The following ZNF578 variants were observed in gnomAD, a reference collection of about 807,000 sequenced individuals.
The protein encoded by ZNF578 is zinc finger protein 578.
In ZNF578, 8 loss-of-function variants were observed where a neutral mutation model predicts 8.3. The ratio of observed to expected loss-of-function variants is 0.96; its 90% CI spans 0.56 to 1.74. The LOEUF (loss-of-function observed/expected upper bound fraction) is 1.74. Ranked by LOEUF, ZNF578 falls within the 40% of genes most tolerant of loss-of-function variation. The pLI, the probability that ZNF578 is intolerant of heterozygous loss-of-function variation, is 0.00. For synonymous variants in ZNF578, 206 were observed against 232.2 expected, an observed-to-expected ratio of 0.89 and a Z score of 1.03; for missense variants, 726 against 707.5, an observed-to-expected ratio of 1.03 and a Z score of -0.30.
At chr19:52,466,093 A>G (rs1006736297) in intron 2 of ZNF578, among the ~76,000 whole-genome samples, 2 of 152,242 alleles carry the variant, frequency 1.3e-5, no homozygotes, top group Non-Finnish European at 1.5e-5. Flanking sequence ...ATTGTGTACA[A>G]TCACTTAGAT....
intron 3 of ZNF578, among the ~76,000 whole-genome samples, chr19:52,492,332 T>A (rs2059368533): frequency 6.6e-6 from 1 of 152,070 alleles, no homozygotes; most frequent in Admixed American, 6.5e-5. Flanking sequence ...CGTGCCCGCA[T>A]CCCTGCTGTG....
Position 52,459,769 on chromosome 19 carries a change from A to ATATATATATTTTTT in ZNF578, c.-122+2812_-122+2813insATATATATTTTTTT, listed in dbSNP as rs1555751349. Among the ~76,000 whole-genome samples the ATATATATATTTTTT allele has an allele frequency of 2.1e-3, 37 of 17,618 alleles. 1 individual carries two copies. Among genetic ancestry groups the ATATATATATTTTTT allele is most frequent in the Non-Finnish European group, 3.1e-3 (31 of 10,082 alleles). 11.6% of individuals were successfully genotyped at this position (17,618 alleles called of 152,430 possible). A position where few individuals can be genotyped will look rare whatever the true frequency, so the allele number is the denominator to read the frequency against. ...TGTGTGTGTATATATATATATATAT[A>ATATATATATTTTTT]TTTTTTTTTTTTTTTTTTTTTTTTG... On this transcript the variant is annotated intron_variant, in intron 2 of 5. Coordinates refer to ENST00000421239, the MANE Select transcript of ZNF578 (RefSeq NM_001099694.2).
At chr19:52,485,174 C>G (rs2059340547) in intron 2 of ZNF578, among the ~76,000 whole-genome samples, 1 of 152,024 alleles carries the variant, frequency 6.6e-6, no homozygotes, top group Non-Finnish European at 1.5e-5. Context: ...CTCACACCAC[C>G]TCTGGTCTAT....
chr19:52,490,930 C>T (rs2059363074), intron 2 of ZNF578, among the ~76,000 whole-genome samples: 1 of 152,106 alleles, frequency 6.6e-6, no homozygotes, highest in South Asian at 2.1e-4. Context: ...ATTGTATGGT[C>T]TTTTAGCATT....
chr19:52,500,704 C>G (rs995882383), intron 3 of ZNF578, among the ~76,000 whole-genome samples: 2 of 151,820 alleles, frequency 1.3e-5, no homozygotes, highest in African/African-American at 4.8e-5. Flanking sequence ...TTTGATTAGC[C>G]TTTCAAAGGA....
intron 2 of ZNF578, among the ~76,000 whole-genome samples, chr19:52,483,496 A>G (rs2059334536): frequency 1.3e-5 from 2 of 152,356 alleles, no homozygotes; most frequent in East Asian, 3.9e-4. Context: ...AAATTCTCTC[A>G]CAGGCACCAT....
intron 3 of ZNF578, among the ~76,000 whole-genome samples, chr19:52,496,852 G>C: frequency 6.6e-6 from 1 of 150,692 alleles, no homozygotes; most frequent in East Asian, 2.0e-4. Context: ...GGTCAGGCTG[G>C]TCTTGAACAC....
intron 4 of ZNF578, 140 bp downstream of exon 4, chr19:52,502,048 C>A: frequency 7.5e-7 from 1 of 1,326,968 alleles, no homozygotes; most frequent in Non-Finnish European, 1.0e-6. Context: ...TTTGCTTGCA[C>A]TCACCCATGC....
chr19:52,473,684 G>A (rs549897067), intron 2 of ZNF578: 50 of 210,770 alleles, frequency 2.4e-4, no homozygotes, highest in South Asian at 6.9e-4. Flanking sequence ...CTGATGAATT[G>A]TTAAGGAGAA....
intron 2 of ZNF578, among the ~76,000 whole-genome samples, chr19:52,485,418 A>G (rs1192692257): frequency 6.6e-6 from 1 of 152,164 alleles, no homozygotes; most frequent in Non-Finnish European, 1.5e-5. Context: ...ACCCTCAGTA[A>G]TACCTGCAGT....
Position 52,501,872 on chromosome 19 carries a change from G to A in ZNF578, c.27G>A (p.Lys9=), listed in dbSNP as rs775525190. 6.2e-7 allele frequency: 1 copy of A among 1,613,686 alleles called. No individual in the cohort carries two copies. Among genetic ancestry groups the A allele is most frequent in the East Asian group, 2.2e-5 (1 of 44,886 alleles). The change falls in exon 4 of 6, where the codon AAG becomes AAA. Residue 9 remains lysine, a synonymous_variant. Transcript: ENST00000421239. ...TGTTACATGAGGAAGCAGCTCAGAAGAGGAAAGGAAAGGAGCCAGGCATGG... is the reference window on the plus strand; with the variant it reads ...TGTTACATGAGGAAGCAGCTCAGAAAAGGAAAGGAAAGGAGCCAGGCATGG... MLHEEAAQ[K]RKGKEPGMAL...
intron 2 of ZNF578, among the ~76,000 whole-genome samples, chr19:52,480,595 T>TA (rs754401637): frequency 3.2e-4 from 45 of 139,334 alleles, no homozygotes; most frequent in Middle Eastern, 3.7e-3. Context: ...TGTAAGGATT[T>TA]AAAAAAAAAA....
At chr19:52,472,621 T>G (rs1329211221) in intron 2 of ZNF578, among the ~76,000 whole-genome samples, 3 of 152,204 alleles carry the variant, frequency 2.0e-5, no homozygotes, top group Non-Finnish European at 4.4e-5. Flanking sequence ...AAAAATCCTA[T>G]TTTCCTAAGG....
rs531263921 is a variant in ZNF578 at position 52,480,699 on chromosome 19, G to A, written c.-121-10625G>A. ...GATCACAAGGTCAGGAGTTCAAGAC[G>A]AGCGTGGCCAAGATGGTGAAACCCC... On this transcript the variant is annotated intron_variant, in intron 2 of 5. Transcript: ENST00000421239. Among the ~76,000 whole-genome samples the A allele has an allele frequency of 1.7e-3, 256 of 151,582 alleles. 1 individual carries two copies. The highest frequency in any genetic ancestry group is 5.7e-3 in the African/African-American group (234 of 41,358).
rs2122997191 is a variant in ZNF578, at chr19:52,512,044, G to A, written c.1663G>A (p.Ala555Thr). 1 of 1,613,224 alleles carries A rather than the reference G, an allele frequency of 6.2e-7. No individual in the cohort carries two copies. The highest frequency in any genetic ancestry group is 8.5e-7 in the Non-Finnish European group (1 of 1,179,824). The change falls in exon 6 of 6, where the codon GCA becomes ACA. Residue 555 changes from alanine (A) to threonine (T), a missense_variant. Transcript: ENST00000421239. Reference protein sequence around the residue: ...DKAFMCHSYLANHTRIHSGEK... With the variant: ...DKAFMCHSYLTNHTRIHSGEK... ...GGCTTTCATGTGCCATTCTTATCTG[G>A]CAAACCATACTAGAATTCATAGCGG... is the stretch of plus-strand genomic sequence containing the variant.
At chr19:52,494,338 A>G (rs958682365) in intron 3 of ZNF578, among the ~76,000 whole-genome samples, 2 of 151,754 alleles carry the variant, frequency 1.3e-5, no homozygotes, top group African/African-American at 4.8e-5. Flanking sequence ...AAAAAAAAAG[A>G]AAAAAAAATT....
Position 52,504,798 on chromosome 19 carries a change from T to C in ZNF578, c.190+17T>C, listed in dbSNP as rs900330359. 1.3e-5 allele frequency: 21 copies of C among 1,613,916 alleles called. No individual in the cohort carries two copies. Among genetic ancestry groups the C allele is most frequent in the Non-Finnish European group, 1.4e-5 (17 of 1,179,972 alleles). ...AGGCTGTGGGTGAGGAAAATGTCCC[T>C]GCAGACATGAGGAGTCTGCTCTTGT... On this transcript the variant is annotated intron_variant, in intron 5 of 5. Transcript: ENST00000421239.
rs1278260478 is a variant in ZNF578, at chr19:52,515,066, G to T, written c.*2912G>T. Among the ~76,000 whole-genome samples, 2 of 149,450 alleles carry T rather than the reference G, an allele frequency of 1.3e-5. No individual in the cohort carries two copies. The highest frequency in any genetic ancestry group is 3.0e-5 in the Non-Finnish European group (2 of 67,704). On this transcript the variant is annotated 3_prime_UTR_variant, in exon 6 of 6. Transcript: ENST00000421239. ...CAATGTCTTCCTCCTGGGTTCAAGTGATTTCTCCTGCCTCATCCTACTGAG... is the reference window on the plus strand; with the variant it reads ...CAATGTCTTCCTCCTGGGTTCAAGTTATTTCTCCTGCCTCATCCTACTGAG...
Position 52,497,788 on chromosome 19 carries a change from A to G in ZNF578, c.-19-4039A>G, listed in dbSNP as rs369272489. Among the ~76,000 whole-genome samples the G allele has an allele frequency of 1.1e-4, 16 of 152,314 alleles. No homozygotes were observed. The East Asian group carries it at 2.3e-3, about 22-fold the overall frequency. ...CCTAACATGAAAATTTAGTTAAAGTAGCCTATTCCATTTTCTTTTCTTATG... is the reference window on the plus strand; with the variant it reads ...CCTAACATGAAAATTTAGTTAAAGTGGCCTATTCCATTTTCTTTTCTTATG... On this transcript the variant is annotated intron_variant, in intron 3 of 5. Transcript: ENST00000421239.
Sources: allele counts gnomAD v4.1 joint callset (sites outside exome capture counted in the v4.1 genomes callset), GRCh38; gene constraint gnomAD v4.1.1; transcripts MANE v1.5; gene names NCBI Gene and HGNC (gene_info 2026-07-23, HGNC 2026-07-21).